The following CHRM3 variants were observed in gnomAD, a reference collection of about 807,000 sequenced individuals.
CHRM3 encodes muscarinic acetylcholine receptor M3.
A neutral mutation model predicts 41.8 loss-of-function variants in CHRM3; 11 were observed. That is an observed-to-expected ratio of 0.26 (90% CI 0.17 to 0.44). CHRM3 has a LOEUF of 0.44. Among genes scored for constraint, CHRM3 ranks in the 20% least tolerant of loss-of-function variants. CHRM3 has a pLI of 1.00. For synonymous variants in CHRM3, 297 were observed against 301.4 expected (o/e 0.99, Z 0.15); for missense variants, 571 against 745.4 (o/e 0.77, Z 2.72).
chr1:239,719,260 G>C (rs1054318652), intron 5 of CHRM3: 1 of 152,020 alleles, frequency 6.6e-6, no homozygotes, highest in African/African-American at 2.4e-5. Flanking sequence ...ACTGGTGTTA[G>C]TGGTGTTGGC....
At chr1:239,393,319 A>AT (rs1347345482) in intron 1 of CHRM3, among the ~76,000 whole-genome samples, 4 of 151,978 alleles carry the variant, frequency 2.6e-5, no homozygotes, top group Admixed American at 1.3e-4. Context: ...CTTTTTTGTG[A>AT]TTTTTCAATT....
At chr1:239,518,517 A>C (rs1328324749) in intron 2 of CHRM3, among the ~76,000 whole-genome samples, 1 of 152,204 alleles carries the variant, frequency 6.6e-6, no homozygotes, top group East Asian at 1.9e-4. Flanking sequence ...AATATGACCA[A>C]AGGTAGACAA....
intron 3 of CHRM3, among the ~76,000 whole-genome samples, chr1:239,556,216 G>A (rs1354173488): frequency 1.3e-5 from 2 of 152,038 alleles, no homozygotes; most frequent in Non-Finnish European, 2.9e-5. Flanking sequence ...GATTTTGGTG[G>A]CTTTCCCAAA....
intron 5 of CHRM3, among the ~76,000 whole-genome samples, chr1:239,772,812 G>A (rs1181299648): frequency 6.6e-6 from 1 of 152,132 alleles, no homozygotes; most frequent in Non-Finnish European, 1.5e-5. Flanking sequence ...CACTGCCGCA[G>A]CCAGATATCC....
intron 3 of CHRM3, among the ~76,000 whole-genome samples, chr1:239,610,564 T>C (rs1473252746): frequency 6.6e-6 from 1 of 152,198 alleles, no homozygotes; most frequent in Admixed American, 6.5e-5. Flanking sequence ...ACAGCACTTT[T>C]ACGTTAAACC....
intron 5 of CHRM3, among the ~76,000 whole-genome samples, chr1:239,826,390 A>G (rs1201715144): frequency 1.3e-5 from 2 of 152,170 alleles, no homozygotes; most frequent in Non-Finnish European, 2.9e-5. Flanking sequence ...GGCATACTTG[A>G]GTATGACTGC....
chr1:239,701,375 CT>C (rs1660672758), intron 5 of CHRM3, among the ~76,000 whole-genome samples: 1 of 152,220 alleles, frequency 6.6e-6, no homozygotes, highest in Admixed American at 6.5e-5. Flanking sequence ...AGGCATGGCG[CT>C]GAAAACCTTT....
rs71166874 is a variant in CHRM3 at position 239,496,510 on chromosome 1, A to AGTGTGTGT, written c.-422+3730_-422+3737dup. On this transcript the variant is annotated intron_variant, in intron 2 of 6. Transcript: ENST00000676153. ...ATATCTAGTGTATGCTAGTAATTCTAGTGTGTGTGTGTGTGTGTGTGTGTG... is the reference window on the plus strand; with the variant it reads ...ATATCTAGTGTATGCTAGTAATTCTAGTGTGTGTGTGTGTGTGTGTGTGTGTGTGTGTG... Among the ~76,000 whole-genome samples the AGTGTGTGT allele has an allele frequency of 6.6e-3, 957 of 145,058 alleles. 10 individuals are homozygous for AGTGTGTGT. Among genetic ancestry groups the AGTGTGTGT allele is most frequent in the Middle Eastern group, 0.014 (4 of 284 alleles).
chr1:239,653,572 G>C (rs1039781425), intron 4 of CHRM3, among the ~76,000 whole-genome samples: 1 of 152,164 alleles, frequency 6.6e-6, no homozygotes, highest in Non-Finnish European at 1.5e-5. Flanking sequence ...AGAAGCCTGT[G>C]CATGTAGATA....
intron 5 of CHRM3, among the ~76,000 whole-genome samples, chr1:239,796,585 T>C (rs1364952147): frequency 1.3e-5 from 2 of 152,114 alleles, no homozygotes; most frequent in Non-Finnish European, 2.9e-5. Flanking sequence ...TTAATGCACA[T>C]GGCCGTGGTC....
At chr1:239,397,529 G>A (rs1427247325) in intron 1 of CHRM3, among the ~76,000 whole-genome samples, 4 of 151,580 alleles carry the variant, frequency 2.6e-5, no homozygotes, top group South Asian at 2.1e-4. Flanking sequence ...AAAATTAGCC[G>A]GGCGTGCTGG....
At chr1:239,618,256 A>G (rs537191410) in intron 3 of CHRM3, among the ~76,000 whole-genome samples, 42 of 143,484 alleles carry the variant, frequency 2.9e-4, no homozygotes, top group Non-Finnish European at 4.5e-4. Flanking sequence ...AATAGAGAGT[A>G]GGAGTACTTT....
intron 2 of CHRM3, among the ~76,000 whole-genome samples, chr1:239,538,929 T>A (rs960170685): frequency 7.2e-5 from 11 of 152,178 alleles, no homozygotes; most frequent in Non-Finnish European, 1.5e-4. Context: ...AATAGTTATT[T>A]CTAATGAAAT....
chr1:239,674,254 A>G (rs1463894912), intron 4 of CHRM3, among the ~76,000 whole-genome samples: 1 of 152,180 alleles, frequency 6.6e-6, no homozygotes, highest in African/African-American at 2.4e-5. Context: ...TAATATAGGT[A>G]TGGGTCAGAC....
At position 239,714,622 on chromosome 1, in the gene CHRM3, GA is replaced by G. The variant is rs199515970; in HGVS notation, c.-147+36338del. ...CACAGCAGGAAGGGAAAGCCTAGTGGAAAATGAGGCTGCAGAAGTAGCTGAA... is the reference window on the plus strand; with the variant it reads ...CACAGCAGGAAGGGAAAGCCTAGTGGAAATGAGGCTGCAGAAGTAGCTGAA... On this transcript the variant is annotated intron_variant, in intron 5 of 6. Coordinates refer to ENST00000676153, the MANE Select transcript of CHRM3 (RefSeq NM_001375978.1). Among the ~76,000 whole-genome samples, 872 of 152,278 alleles carry G rather than the reference GA, an allele frequency of 5.7e-3. 9 individuals are homozygous for G. The highest frequency in any genetic ancestry group is 0.02 in the African/African-American group (838 of 41,586).
intron 5 of CHRM3, among the ~76,000 whole-genome samples, chr1:239,809,523 G>T (rs1246303996): frequency 2.0e-5 from 3 of 150,998 alleles, no homozygotes; most frequent in Non-Finnish European, 3.0e-5. Context: ...CTTGAGATGG[G>T]GTCTAGCTCT....
chr1:239,772,366 G>A (rs957093508), intron 5 of CHRM3, among the ~76,000 whole-genome samples: 1 of 152,110 alleles, frequency 6.6e-6, no homozygotes, highest in Non-Finnish European at 1.5e-5. Flanking sequence ...GCCCAGGCTG[G>A]TCTCGAACTC....
At chr1:239,788,274 T>G (rs1002184646) in intron 5 of CHRM3, among the ~76,000 whole-genome samples, 1 of 152,074 alleles carries the variant, frequency 6.6e-6, no homozygotes, top group African/African-American at 2.4e-5. Context: ...AAAATAGTTT[T>G]GTTTTTCTTC....
chr1:239,870,467 C>T (rs137948650), intron 6 of CHRM3, among the ~76,000 whole-genome samples: 72 of 152,282 alleles, frequency 4.7e-4, no homozygotes, highest in Non-Finnish European at 8.1e-4. Flanking sequence ...CACCCCTTCC[C>T]GGGAGCGCTA....
Sources: gnomAD v4.1 joint callset for allele counts (sites outside exome capture counted in the v4.1 genomes callset) on GRCh38, gnomAD v4.1.1 for gene constraint, MANE v1.5 for transcripts, NCBI Gene and HGNC (gene_info 2026-07-23, HGNC 2026-07-21) for gene names.